The following UQCC1 variants were observed in gnomAD, a reference collection of about 807,000 sequenced individuals.
UQCC1 encodes the protein bFGF-repressed Zic-binding protein.
A neutral mutation model predicts 48.0 loss-of-function variants in UQCC1; 38 were observed. The observed-to-expected ratio is 0.79, with a 90% CI of 0.61 to 1.04. The LOEUF (loss-of-function observed/expected upper bound fraction) is 1.04. Ranked by LOEUF, UQCC1 falls within the 50% of genes least tolerant of loss-of-function variation. The pLI, the probability that UQCC1 is intolerant of heterozygous loss-of-function variation, is 0.00. For missense variants in UQCC1, 368 were observed against 381.8 expected (o/e 0.96, Z 0.30); for synonymous variants, 111 against 129.2 (o/e 0.86, Z 0.95).
At chr20:35,367,625 T>G (rs2061684621) in intron 5 of UQCC1, among the ~76,000 whole-genome samples, 1 of 152,008 alleles carries the variant, frequency 6.6e-6, no homozygotes, top group Non-Finnish European at 1.5e-5. Context: ...CTAGGCATGG[T>G]GGCATGCACC....
At chr20:35,340,658 T>C (rs1287504670) in intron 7 of UQCC1, among the ~76,000 whole-genome samples, 1 of 152,184 alleles carries the variant, frequency 6.6e-6, no homozygotes, top group African/African-American at 2.4e-5. Flanking sequence ...CTAATTTTAT[T>C]TTTGTAAAGA....
chr20:35,313,498 A>G (rs2061018475), intron 8 of UQCC1, among the ~76,000 whole-genome samples: 1 of 152,062 alleles, frequency 6.6e-6, no homozygotes, highest in African/African-American at 2.4e-5. Flanking sequence ...GTGTAACTCC[A>G]GTTGCATAAA....
chr20:35,380,979 C>T (rs961795504), intron 4 of UQCC1, among the ~76,000 whole-genome samples: 3 of 152,236 alleles, frequency 2.0e-5, no homozygotes, highest in Admixed American at 6.5e-5. Context: ...TCCAATTTTC[C>T]AATTTGGGAT....
chr20:35,402,003 T>C (rs868751219), intron 1 of UQCC1, among the ~76,000 whole-genome samples: 1 of 151,954 alleles, frequency 6.6e-6, no homozygotes, highest in Admixed American at 6.6e-5. Flanking sequence ...ATATTCCAAA[T>C]GCCATGGATA....
At chr20:35,353,360 T>A (rs1232779414) in intron 6 of UQCC1, among the ~76,000 whole-genome samples, 1 of 148,196 alleles carries the variant, frequency 6.7e-6, no homozygotes, top group African/African-American at 2.5e-5. Flanking sequence ...CATGCCACTG[T>A]ACTCCAGCCT....
chr20:35,305,320 A>C (rs1230624701), intron 9 of UQCC1, among the ~76,000 whole-genome samples: 1 of 152,122 alleles, frequency 6.6e-6, no homozygotes, highest in Non-Finnish European at 1.5e-5. Flanking sequence ...CGGTTTTTCC[A>C]CTGCCTCTCA....
chr20:35,354,554 A>G (rs1165758211), intron 6 of UQCC1, among the ~76,000 whole-genome samples: 1 of 152,066 alleles, frequency 6.6e-6, no homozygotes, highest in Admixed American at 6.6e-5. Flanking sequence ...CCGCCACCAC[A>G]CCGGGCTAAT....
At chr20:35,313,374 TAAAAAAAAAAAAAAA>T (rs1182863735) in intron 8 of UQCC1, among the ~76,000 whole-genome samples, 1 of 45,468 alleles carries the variant, frequency 2.2e-5, no homozygotes, top group Non-Finnish European at 4.0e-5. Flanking sequence ...AGACTCTGTC[TAAAAAAAAAAAAAAA>T]AAAAAAAAAA....
intron 7 of UQCC1, among the ~76,000 whole-genome samples, chr20:35,320,238 C>T (rs958846086): frequency 3.9e-5 from 6 of 152,184 alleles, no homozygotes; most frequent in African/African-American, 4.8e-5. Context: ...AGTCTGGAGA[C>T]GGGTCCCATC....
chr20:35,405,556 A>G (rs987943914), intron 1 of UQCC1, among the ~76,000 whole-genome samples: 5 of 152,240 alleles, frequency 3.3e-5, no homozygotes, highest in African/African-American at 1.2e-4. Flanking sequence ...ACTATTTCAA[A>G]TATGTTCAAA....
intron 6 of UQCC1, among the ~76,000 whole-genome samples, chr20:35,347,966 T>C (rs959701689): frequency 2.0e-5 from 3 of 152,242 alleles, no homozygotes; most frequent in African/African-American, 7.2e-5. Flanking sequence ...TTGCGTTATA[T>C]TTCTGTTGGA....
intron 7 of UQCC1, among the ~76,000 whole-genome samples, chr20:35,336,051 A>C (rs191329791): frequency 7.2e-4 from 110 of 152,346 alleles, no homozygotes; most frequent in African/African-American, 2.5e-3. Context: ...TATGGACTGA[A>C]AGGTTCAATG....
intron 4 of UQCC1, among the ~76,000 whole-genome samples, chr20:35,375,832 T>C (rs759168877): frequency 6.6e-6 from 1 of 150,460 alleles, no homozygotes. Flanking sequence ...TGTGTGCCTA[T>C]AGTACCAGCT....
intron 5 of UQCC1, among the ~76,000 whole-genome samples, chr20:35,367,118 A>AAAACAACC (rs1415958386): frequency 6.6e-6 from 1 of 151,470 alleles, no homozygotes; most frequent in Non-Finnish European, 1.5e-5. Flanking sequence ...AACAAACAAA[A>AAAACAACC]AAACAACCCA....
chr20:35,369,642 T>C (rs995952271), intron 5 of UQCC1, among the ~76,000 whole-genome samples: 1 of 152,216 alleles, frequency 6.6e-6, no homozygotes, highest in Non-Finnish European at 1.5e-5. Flanking sequence ...AATTTTCTTC[T>C]CTGTAAAAAT....
intron 6 of UQCC1, among the ~76,000 whole-genome samples, chr20:35,363,021 T>C (rs1184642110): frequency 7.4e-6 from 1 of 135,238 alleles, no homozygotes; most frequent in Non-Finnish European, 1.5e-5. Flanking sequence ...TCCTTGCTCC[T>C]TAAAACTAAA....
chr20:35,352,200 C>G (rs1485345023), intron 6 of UQCC1, among the ~76,000 whole-genome samples: 1 of 152,176 alleles, frequency 6.6e-6, no homozygotes, highest in African/African-American at 2.4e-5. Context: ...AGGGAATGTC[C>G]AGCTGATGGA....
At chr20:35,399,096 TA>T (rs2062123288) in intron 1 of UQCC1, among the ~76,000 whole-genome samples, 3 of 152,122 alleles carry the variant, frequency 2.0e-5, no homozygotes, top group Admixed American at 2.0e-4. Flanking sequence ...CATTTTCCCT[TA>T]TGAAAAATGG....
chr20:35,337,313 C>A (rs1158992461), intron 7 of UQCC1, among the ~76,000 whole-genome samples: 1 of 152,130 alleles, frequency 6.6e-6, no homozygotes, highest in Admixed American at 6.5e-5. Flanking sequence ...CTCAGCCTCC[C>A]AAGTAGCTGG....
Sources: gnomAD v4.1 joint callset for allele counts (sites outside exome capture counted in the v4.1 genomes callset) on GRCh38, gnomAD v4.1.1 for gene constraint, MANE v1.5 for transcripts, NCBI Gene and HGNC (gene_info 2026-07-23, HGNC 2026-07-21) for gene names.